ST8SIA6: variants seen among roughly 807,000 people sequenced by gnomAD.
ST8SIA6 encodes ST8 alpha-N-acetyl-neuraminide alpha-2,8-sialyltransferase 6.
In ST8SIA6, 39 loss-of-function variants were observed where a neutral mutation model predicts 33.6. The observed-to-expected ratio is 1.16, with a 90% CI of 0.90 to 1.52. ST8SIA6 has a LOEUF of 1.52. Ranked by LOEUF, ST8SIA6 falls within the 40% of genes most tolerant of loss-of-function variation. The pLI, the probability that ST8SIA6 is intolerant of heterozygous loss-of-function variation, is 0.00. For missense variants in ST8SIA6, 441 were observed against 443.8 expected (o/e 0.99, Z 0.06); for synonymous variants, 172 against 167.2 (o/e 1.03, Z -0.22).
intron 4 of ST8SIA6, among the ~76,000 whole-genome samples, chr10:17,351,082 C>T (rs1442930730): frequency 6.6e-6 from 1 of 152,072 alleles, no homozygotes; most frequent in Non-Finnish European, 1.5e-5. Context: ...TTCCCTGAAA[C>T]TGCTGAGTGT....
chr10:17,405,471 G>A lies in ST8SIA6; in HGVS notation c.201-14851C>T, dbSNP rs888869721. On this transcript the variant is annotated intron_variant, in intron 2 of 7. Transcript: ENST00000377602. ...ATTATCTTTTAACACCTCAAATGAG[G>A]TTGCTGACAACATATTTGAATCAAA... Among the ~76,000 whole-genome samples, 3 of 151,374 alleles carry A rather than the reference G, an allele frequency of 2.0e-5. No individual in the cohort carries two copies. The South Asian group carries it at 6.3e-4, about 32-fold the overall frequency.
chr10:17,332,695 A>G (rs181845441), intron 4 of ST8SIA6, among the ~76,000 whole-genome samples: 1 of 152,072 alleles, frequency 6.6e-6, no homozygotes, highest in Admixed American at 6.6e-5. Context: ...CCTGACCTCA[A>G]GTGATCTGCC....
chr10:17,368,039 T>C (rs1043390576), intron 3 of ST8SIA6, among the ~76,000 whole-genome samples: 11 of 152,038 alleles, frequency 7.2e-5, no homozygotes, highest in Admixed American at 1.3e-4. Context: ...AAAATATTTA[T>C]TGCGCATTTG....
intron 4 of ST8SIA6, among the ~76,000 whole-genome samples, chr10:17,332,353 C>G (rs138113378): frequency 6.6e-6 from 1 of 152,160 alleles, no homozygotes; most frequent in Non-Finnish European, 1.5e-5. Flanking sequence ...GTTCTAGATC[C>G]TTGAGGAATA....
chr10:17,323,848 T>C (rs1588776507), intron 6 of ST8SIA6, among the ~76,000 whole-genome samples: 1 of 152,200 alleles, frequency 6.6e-6, no homozygotes, highest in East Asian at 1.9e-4. Context: ...CATAGTGGTA[T>C]GATCACCAAT....
At chr10:17,374,390 C>T (rs181016005) in intron 3 of ST8SIA6, among the ~76,000 whole-genome samples, 43 of 152,134 alleles carry the variant, frequency 2.8e-4, no homozygotes, top group African/African-American at 1.0e-3. Context: ...TAAATGCAAA[C>T]ATTTTCAGAG....
intron 3 of ST8SIA6, among the ~76,000 whole-genome samples, chr10:17,374,372 CTT>C (rs1849830054): frequency 1.3e-5 from 2 of 152,060 alleles, no homozygotes; most frequent in African/African-American, 4.8e-5. Context: ...TTTGACATAA[CTT>C]TTGTTTAAAT....
intron 2 of ST8SIA6, among the ~76,000 whole-genome samples, chr10:17,424,483 T>C (rs1009725466): frequency 2.6e-5 from 4 of 152,156 alleles, no homozygotes; most frequent in African/African-American, 4.8e-5. Flanking sequence ...CCACACAGTG[T>C]GTGTGTGAGT....
intron 2 of ST8SIA6, among the ~76,000 whole-genome samples, chr10:17,420,398 C>T (rs796864499): frequency 6.6e-5 from 10 of 151,898 alleles, no homozygotes; most frequent in South Asian, 2.1e-4. Flanking sequence ...GGCGACAGAG[C>T]GAGACTCCGT....
chr10:17,323,237 A>C (rs972910799), intron 6 of ST8SIA6, 80 bp from the exon 7 acceptor site: 3 of 770,718 alleles, frequency 3.9e-6, no homozygotes, highest in Non-Finnish European at 6.4e-6. Context: ...GCGCACACAC[A>C]CACACACACA....
intron 3 of ST8SIA6, among the ~76,000 whole-genome samples, chr10:17,384,181 A>G (rs1850256235): frequency 6.6e-6 from 1 of 152,218 alleles, no homozygotes; most frequent in Non-Finnish European, 1.5e-5. Flanking sequence ...CAGTCCCTGT[A>G]CAGGGTTTCT....
intron 4 of ST8SIA6, among the ~76,000 whole-genome samples, chr10:17,338,724 G>A (rs965446386): frequency 5.9e-5 from 9 of 152,138 alleles, no homozygotes; most frequent in African/African-American, 1.4e-4. Flanking sequence ...CAGGTGACCC[G>A]AACAATGCAC....
chr10:17,399,626 T>C (rs1311603997), intron 2 of ST8SIA6, among the ~76,000 whole-genome samples: 2 of 152,090 alleles, frequency 1.3e-5, no homozygotes, highest in Non-Finnish European at 2.9e-5. Flanking sequence ...TTTTCAACAA[T>C]GTAAAATCAG....
chr10:17,429,336 G>C (rs781498197), intron 2 of ST8SIA6, among the ~76,000 whole-genome samples: 9 of 151,926 alleles, frequency 5.9e-5, no homozygotes, highest in Non-Finnish European at 1.0e-4. Flanking sequence ...TTTCGAGGCA[G>C]GGTGTCACTC....
At chr10:17,421,052 C>T (rs1180139066) in intron 2 of ST8SIA6, among the ~76,000 whole-genome samples, 2 of 152,230 alleles carry the variant, frequency 1.3e-5, no homozygotes, top group Non-Finnish European at 2.9e-5. Flanking sequence ...GATCCAATCA[C>T]ATCCCACCAG....
At chr10:17,374,748 A>AAC (rs1344895365) in intron 3 of ST8SIA6, among the ~76,000 whole-genome samples, 1 of 67,652 alleles carries the variant, frequency 1.5e-5, no homozygotes, top group African/African-American at 5.3e-5. Context: ...ATAAATAAAT[A>AAC]ATAAATATAT....
intron 4 of ST8SIA6, among the ~76,000 whole-genome samples, chr10:17,351,500 C>G (rs1564415899): frequency 6.9e-6 from 1 of 144,596 alleles, no homozygotes; most frequent in African/African-American, 2.6e-5. Context: ...AGATGAAACC[C>G]AAACTCCTAG....
chr10:17,431,668 T>C (rs1037577888), intron 2 of ST8SIA6, among the ~76,000 whole-genome samples: 2 of 151,640 alleles, frequency 1.3e-5, no homozygotes, highest in African/African-American at 4.8e-5. Context: ...TCCCAAGTTG[T>C]ATACTTACTA....
chr10:17,399,493 G>C (rs539382218), intron 2 of ST8SIA6, among the ~76,000 whole-genome samples: 18 of 152,290 alleles, frequency 1.2e-4, no homozygotes, highest in African/African-American at 4.1e-4. Context: ...TCTGCAAATA[G>C]TATCTGCTTA....
Sources: allele counts gnomAD v4.1 joint callset (sites outside exome capture counted in the v4.1 genomes callset), GRCh38; gene constraint gnomAD v4.1.1; transcripts MANE v1.5; gene names NCBI Gene and HGNC (gene_info 2026-07-23, HGNC 2026-07-21).